TCN2: variants seen among roughly 807,000 people sequenced by gnomAD.
TCN2 encodes transcobalamin 2.
TCN2 carries 34 observed loss-of-function variants against 48.6 expected under a neutral mutation model. The ratio of observed to expected loss-of-function variants is 0.70; its 90% CI spans 0.53 to 0.93. The LOEUF is 0.93. Among genes scored for constraint, TCN2 ranks in the 40% least tolerant of loss-of-function variants. The probability of loss-of-function intolerance (pLI) is 0.00; values close to 1 mark genes in which losing one functional copy is unlikely to be tolerated. For missense variants in TCN2, 652 were observed against 526.1 expected (o/e 1.24, Z -2.34); for synonymous variants, 283 against 212.5 (o/e 1.33, Z -2.89).
At chr22:30,618,390 C>T (rs2009857) in intron 7 of TCN2, among the ~76,000 whole-genome samples, 17,207 of 151,850 alleles carry the variant, frequency 0.11, 2,180 homozygotes, top group African/African-American at 0.3. Context: ...CTCTCTCTTT[C>T]ACCTAGGCTG....
rs1057520098 is a variant in TCN2 at position 30,617,488 on chromosome 22, G to T, written c.1099G>T (p.Gly367Ter). The change falls in exon 7 of 9, where the codon GGA (glycine) becomes TGA (stop). Residue 367 changes from glycine (G) to a stop codon, truncating the protein, a stop_gained. Transcript: ENST00000215838. LOFTEE classifies it high-confidence loss of function. Reference sequence around the variant, plus strand: ...CCTGAAGAAGGCCCATGAGTTAGGAGGATTCACGTGAGACTCCCACCTCCC... The same window carrying T: ...CCTGAAGAAGGCCCATGAGTTAGGATGATTCACGTGAGACTCCCACCTCCC... ...DVLKKAHELG[G>*]FTYETQASLS... 2.5e-6 allele frequency: 4 copies of T among 1,614,128 alleles called. No individual in the cohort carries two copies. The highest frequency in any genetic ancestry group is 3.4e-6 in the Non-Finnish European group (4 of 1,180,026).
intron 8 of TCN2, among the ~76,000 whole-genome samples, chr22:30,624,066 A>ATATGTG (rs2087766124): frequency 1.1e-5 from 1 of 88,282 alleles, no homozygotes. Context: ...ACACACATAT[A>ATATGTG]TATATATATA....
chr22:30,614,434 C>G lies in TCN2; in HGVS notation c.513C>G (p.Val171=), dbSNP rs1206046755. 6.2e-7 allele frequency: 1 copy of G among 1,614,164 alleles called. No individual in the cohort carries two copies. The highest frequency in any genetic ancestry group is 1.7e-5 in the Admixed American group (1 of 60,020). ...CCCTGTGTCTCCACCAGAAGCGGGT[C>G]CATGACAGCGTGGTGGACAAACTTC... ...ILALCLHQKR[V]HDSVVDKLLY... is the part of the protein sequence containing the mutation. The change falls in exon 4 of 9, where the codon GTC becomes GTG. Residue 171 remains valine, a synonymous_variant. Transcript: ENST00000215838.
At chr22:30,609,609 A>G (rs1334610496) in intron 1 of TCN2, among the ~76,000 whole-genome samples, 1 of 152,158 alleles carries the variant, frequency 6.6e-6, no homozygotes, top group Non-Finnish European at 1.5e-5. Context: ...ATGACCAGAG[A>G]GACACAGGCT....
intron 1 of TCN2, chr22:30,610,383 A>G: frequency 2.2e-6 from 1 of 445,286 alleles, no homozygotes; most frequent in Admixed American, 2.5e-5. Flanking sequence ...CGGGTAGCAC[A>G]CACATTCAGC....
intron 2 of TCN2, 188 bp downstream of exon 2, chr22:30,611,251 GC>G (rs1044503924): frequency 3.1e-4 from 219 of 701,872 alleles, no homozygotes; most frequent in Non-Finnish European, 5.1e-4. Flanking sequence ...AGATGCTAAT[GC>G]AAGGCTCCTT....
chr22:30,627,070 C>T lies in TCN2; in HGVS notation c.*549C>T, dbSNP rs963145950. On this transcript the variant is annotated 3_prime_UTR_variant, in exon 9 of 9. Transcript: ENST00000215838. ...TGGCCTGTGGACCTGCTACAGTGGCCTGGTGCCTCATACTCCTCAGGTGCA... is the reference window on the plus strand; with the variant it reads ...TGGCCTGTGGACCTGCTACAGTGGCTTGGTGCCTCATACTCCTCAGGTGCA... 2 of 177,682 alleles carry T rather than the reference C, an allele frequency of 1.1e-5. No individual in the cohort carries two copies. Among genetic ancestry groups the T allele is most frequent in the Admixed American group, 5.4e-5 (1 of 18,558 alleles). 11.0% of individuals were successfully genotyped at this position (177,682 alleles called of 1,614,324 possible). A position where few individuals can be genotyped will look rare whatever the true frequency, so the allele number is the denominator to read the frequency against.
At chr22:30,624,703 C>G (rs951761409) in intron 8 of TCN2, among the ~76,000 whole-genome samples, 1 of 152,138 alleles carries the variant, frequency 6.6e-6, no homozygotes, top group South Asian at 2.1e-4. Context: ...ATCTCCTTCC[C>G]CCTCTGCCCT....
intron 1 of TCN2, 25 bp downstream of exon 1, chr22:30,607,420 G>C (rs755473399): frequency 6.2e-7 from 1 of 1,613,714 alleles, no homozygotes; most frequent in Non-Finnish European, 8.5e-7. Flanking sequence ...TCTATCCTGT[G>C]CCTCTTTCCT....
rs147747593 is a variant in TCN2, at chr22:30,623,025, G to A, written c.1164G>A (p.Ala388=). 2.8e-5 allele frequency: 45 copies of A among 1,613,802 alleles called. 1 individual carries two copies. The South Asian group carries it at 3.6e-4, about 13-fold the overall frequency. The part of the protein sequence containing the change: ...GPYLTSVMGK[A]AGEREFWQLL... ...ACTTAACCTCCGTGATGGGGAAAGC[G>A]GCCGGAGAAAGGGAGTTCTGGCAGC... is the stretch of plus-strand genomic sequence containing the variant. Residue 388 remains alanine, a synonymous_variant, in exon 8 of 9, where the codon GCG becomes GCA. Transcript: ENST00000215838.
chr22:30,623,383 G>T (rs915685023), intron 8 of TCN2: 9 of 310,742 alleles, frequency 2.9e-5, no homozygotes, highest in Non-Finnish European at 5.6e-5. Context: ...ATGGAGTTTC[G>T]CTCTTGTTGC....
intron 8 of TCN2, 31 bp downstream of exon 8, chr22:30,623,114 C>G: frequency 1.2e-6 from 2 of 1,609,408 alleles, no homozygotes; most frequent in Non-Finnish European, 1.7e-6. Context: ...CTGGATGTGT[C>G]CCCTACCCCA....
chr22:30,610,099 C>T (rs563922101), intron 1 of TCN2: 2 of 427,356 alleles, frequency 4.7e-6, no homozygotes, highest in Non-Finnish European at 9.6e-6. Flanking sequence ...ATCCCTAAGG[C>T]TTCCGCTTCC....
intron 3 of TCN2, among the ~76,000 whole-genome samples, 170 bp downstream of exon 3, chr22:30,613,212 C>G (rs1177736065): frequency 6.6e-6 from 1 of 152,200 alleles, no homozygotes; most frequent in Non-Finnish European, 1.5e-5. Flanking sequence ...CATAGCCATC[C>G]TTGACCCAGC....
intron 3 of TCN2, 88 bp downstream of exon 3, chr22:30,613,130 T>G: frequency 6.5e-7 from 1 of 1,540,532 alleles, no homozygotes; most frequent in South Asian, 1.2e-5. Flanking sequence ...ACTTTGGGTT[T>G]TCTCCCCAGG....
chr22:30,623,296 C>CG, intron 8 of TCN2: 1 of 373,012 alleles, frequency 2.7e-6, no homozygotes, highest in Admixed American at 4.3e-5. Context: ...AGACAGATTA[C>CG]AAAAAAAAAA....
intron 1 of TCN2, among the ~76,000 whole-genome samples, chr22:30,610,569 A>T (rs2087521769): frequency 1.3e-5 from 2 of 152,254 alleles, no homozygotes; most frequent in Non-Finnish European, 2.9e-5. Context: ...GTGCCCGGGC[A>T]CACCAGTCTC....
chr22:30,610,597 G>A (rs2145536003), intron 1 of TCN2, among the ~76,000 whole-genome samples: 1 of 152,330 alleles, frequency 6.6e-6, no homozygotes, highest in Admixed American at 6.5e-5. Flanking sequence ...CTGCTGATGG[G>A]CAGAGTGGTT....
chr22:30,623,795 T>TACACATATAC lies in TCN2; in HGVS notation c.1222+717_1222+718insTATACACACA, dbSNP rs2087741365. 2.1e-3 allele frequency among the ~76,000 whole-genome samples: 8 copies of TACACATATAC among 3,746 alleles called. 4 individuals are homozygous for TACACATATAC. Among genetic ancestry groups the TACACATATAC allele is most frequent in the African/African-American group, 5.6e-3 (2 of 356 alleles). The allele number at this position is 3,746 out of a possible 152,430, so 2.5% of individuals were successfully genotyped here. A position where few individuals can be genotyped will look rare whatever the true frequency, so the allele number is the denominator to read the frequency against. On this transcript the variant is annotated intron_variant, in intron 8 of 8. Coordinates refer to ENST00000215838, the MANE Select transcript of TCN2 (RefSeq NM_000355.4). ...ACACACATATATATGTATACATATA[T>TACACATATAC]ACACACATACACATATATACACACA...
Sources: allele counts gnomAD v4.1 joint callset (sites outside exome capture counted in the v4.1 genomes callset), GRCh38; gene constraint gnomAD v4.1.1; transcripts MANE v1.5; gene names NCBI Gene and HGNC (gene_info 2026-07-23, HGNC 2026-07-21).